KAZN: variants seen among roughly 807,000 people sequenced by gnomAD.
The protein encoded by KAZN is kazrin, periplakin interacting protein.
Under a neutral mutation model 87.4 loss-of-function variants are expected in KAZN, and 40 were observed. That is an observed-to-expected ratio of 0.46 (90% CI 0.36 to 0.60). The LOEUF is 0.60. Among genes scored for constraint, KAZN ranks in the 20% least tolerant of loss-of-function variants. The probability of loss-of-function intolerance (pLI) is 0.00; values close to 1 mark genes in which losing one functional copy is unlikely to be tolerated. For missense variants in KAZN, 898 were observed against 1,073.9 expected (o/e 0.84, Z 2.29); for synonymous variants, 466 against 458.3 (o/e 1.02, Z -0.22).
At chr1:14,775,731 G>A (rs1645156826) in intron 1 of KAZN, among the ~76,000 whole-genome samples, 1 of 152,226 alleles carries the variant, frequency 6.6e-6, no homozygotes, top group Non-Finnish European at 1.5e-5. Flanking sequence ...CATCTATCTT[G>A]AAGCAGGAGA....
At chr1:14,299,473 A>G (rs1307927519) in intron 2 of KAZN, among the ~76,000 whole-genome samples, 3 of 152,196 alleles carry the variant, frequency 2.0e-5, no homozygotes, top group Admixed American at 2.0e-4. Context: ...ACTGCACTCC[A>G]GACTGGGCGA....
intron 2 of KAZN, among the ~76,000 whole-genome samples, chr1:14,364,055 C>T (rs564311492): frequency 6.6e-6 from 1 of 151,438 alleles, no homozygotes; most frequent in East Asian, 1.9e-4. Context: ...GCCTCAGTAC[C>T]GTTTTCATGT....
chr1:14,079,020 C>G (rs1643570737), intron 1 of KAZN, among the ~76,000 whole-genome samples: 1 of 152,144 alleles, frequency 6.6e-6, no homozygotes, highest in Admixed American at 6.5e-5. Context: ...CTGGGTTAGT[C>G]CATTTTGCGT....
chr1:14,350,601 C>G (rs767236885), intron 2 of KAZN, among the ~76,000 whole-genome samples: 22 of 152,190 alleles, frequency 1.4e-4, no homozygotes, highest in Non-Finnish European at 1.5e-5. Context: ...AGGAATGCTG[C>G]TGAATATCCA....
chr1:14,470,001 G>A (rs529284061), intron 2 of KAZN, among the ~76,000 whole-genome samples: 100 of 152,318 alleles, frequency 6.6e-4, no homozygotes, highest in African/African-American at 2.3e-3. Flanking sequence ...AACACTATTA[G>A]GAGGGAGTAA....
chr1:14,025,356 C>T (rs185977673), intron 1 of KAZN, among the ~76,000 whole-genome samples: 1 of 152,318 alleles, frequency 6.6e-6, no homozygotes, highest in Admixed American at 6.5e-5. Flanking sequence ...GTCTCTGCCT[C>T]TTCGTTATGA....
In KAZN at chr1:14,444,530, TCAA is replaced by T. The variant is rs1666870980; in HGVS notation, c.250-154452_250-154450del. On this transcript the variant is annotated intron_variant, in intron 2 of 16. Transcript: ENST00000636203. Reference sequence around the variant, plus strand: ...TTTCTCCATGTTGGTCAGGCTGGTCTCAAAACTCCTAACCTCAGGTGATCTGCC... The same window carrying T: ...TTTCTCCATGTTGGTCAGGCTGGTCTAACTCCTAACCTCAGGTGATCTGCC... 1.5e-4 allele frequency among the ~76,000 whole-genome samples: 23 copies of T among 152,212 alleles called. No individual in the cohort carries two copies. The South Asian group carries it at 4.6e-3, about 30-fold the overall frequency.
intron 1 of KAZN, among the ~76,000 whole-genome samples, chr1:14,711,680 A>G (rs137895386): frequency 1.2e-3 from 184 of 152,292 alleles, no homozygotes; most frequent in African/African-American, 3.7e-3. Context: ...CCCACACAGT[A>G]AGGAACTGGG....
rs568889191 is a variant in KAZN, at chr1:15,077,308, G to T, written c.1222+11555G>T. Among the ~76,000 whole-genome samples the T allele has an allele frequency of 3.4e-3, 510 of 152,204 alleles. 4 individuals carry two copies. The highest frequency in any genetic ancestry group is 4.0e-3 in the Non-Finnish European group (271 of 68,020). ...TCCCTGGTCTTCCCCTGCGTGTGGAGTCCCCGGGCCTGCCTGGCTGTAGGC... is the reference window on the plus strand; with the variant it reads ...TCCCTGGTCTTCCCCTGCGTGTGGATTCCCCGGGCCTGCCTGGCTGTAGGC... On this transcript the variant is annotated intron_variant, in intron 8 of 14. Transcript: ENST00000376030. The surrounding 1 kb of genome is among the most constrained non-coding windows in gnomAD (Gnocchi z 4.8).
chr1:14,934,147 G>A (rs1378732875), intron 1 of KAZN, among the ~76,000 whole-genome samples: 6 of 151,338 alleles, frequency 4.0e-5, no homozygotes, highest in African/African-American at 1.5e-4. Context: ...GAGCCACCAC[G>A]CCCAGCCAGG....
At position 13,893,838 on chromosome 1, in the gene KAZN, TG is replaced by T. The variant is rs1185570109; in HGVS notation, c.91+83del. 9.7e-6 allele frequency: 14 copies of T among 1,441,344 alleles called. No individual in the cohort carries two copies. In the Admixed American group the frequency reaches 1.1e-4, roughly 11 times the overall value. 89.3% of individuals were successfully genotyped at this position (1,441,344 alleles called of 1,614,324 possible). A position where few individuals can be genotyped will look rare whatever the true frequency, so the allele number is the denominator to read the frequency against. On this transcript the variant is annotated intron_variant, in intron 1 of 16. Coordinates refer to the KAZN transcript ENST00000636203. ...GGGTCCCCAAAAACAGCGGTCTGTG[TG>T]TGTCTGTGTGTCTGTCAGTCTACCT...
chr1:14,698,718 G>T (rs1169876184), intron 1 of KAZN, among the ~76,000 whole-genome samples: 2 of 152,212 alleles, frequency 1.3e-5, no homozygotes, highest in African/African-American at 4.8e-5. Context: ...CTCAGCGCCA[G>T]CACCAGCCCG....
At chr1:13,948,986 C>T (rs1429006630) in intron 1 of KAZN, among the ~76,000 whole-genome samples, 1 of 152,170 alleles carries the variant, frequency 6.6e-6, no homozygotes, top group Non-Finnish European at 1.5e-5. Flanking sequence ...CCAGCATCGC[C>T]TCTCTGACGT....
intron 4 of KAZN, 111 bp downstream of exon 4, chr1:15,044,270 G>GGGGGGGGGGCC: frequency 7.3e-6 from 3 of 413,310 alleles, no homozygotes; most frequent in African/African-American, 2.1e-5. Context: ...GGTGGGTGGG[G>GGGGGGGGGGCC]CAGAGCAGAA....
At chr1:14,169,540 G>A (rs1645905929) in intron 1 of KAZN, among the ~76,000 whole-genome samples, 1 of 152,200 alleles carries the variant, frequency 6.6e-6, no homozygotes, top group African/African-American at 2.4e-5. Flanking sequence ...GCACACACAG[G>A]GGTGTGAGAA....
chr1:13,923,498 G>A (rs935812277), intron 1 of KAZN, among the ~76,000 whole-genome samples: 13 of 151,274 alleles, frequency 8.6e-5, no homozygotes, highest in East Asian at 7.8e-4. Flanking sequence ...GCGTGAACCC[G>A]GGAGGCGGAG....
chr1:14,584,162 C>A (rs988798848), intron 2 of KAZN, among the ~76,000 whole-genome samples: 1 of 152,346 alleles, frequency 6.6e-6, no homozygotes, highest in Middle Eastern at 3.4e-3. Flanking sequence ...GGACCACCAA[C>A]CCAGTTCCCT....
chr1:14,399,697 C>T (rs1048387007), intron 2 of KAZN, among the ~76,000 whole-genome samples: 1 of 152,114 alleles, frequency 6.6e-6, no homozygotes, highest in Admixed American at 6.5e-5. Context: ...CTTTTTCACA[C>T]CTTGGAATCT....
chr1:14,114,056 C>A (rs150907957), intron 1 of KAZN, among the ~76,000 whole-genome samples: 2,092 of 152,294 alleles, frequency 0.014, 48 homozygotes, highest in African/African-American at 0.048. Flanking sequence ...CTCAATGAGT[C>A]CTCCAAGGCC....
Sources: gnomAD v4.1 joint callset for allele counts (sites outside exome capture counted in the v4.1 genomes callset) on GRCh38, gnomAD v4.1.1 for gene constraint, Gnocchi (gnomAD v3.1) non-coding constraint, MANE v1.5 for transcripts, NCBI Gene and HGNC (gene_info 2026-07-23, HGNC 2026-07-21) for gene names.